SCN2A: variants seen among roughly 807,000 people sequenced by gnomAD.
The protein encoded by SCN2A is sodium channel protein type 2 subunit alpha.
SCN2A carries 20 observed loss-of-function variants against 188.7 expected under a neutral mutation model. The ratio of observed to expected loss-of-function variants is 0.11; its 90% CI spans 0.07 to 0.15. The LOEUF is 0.15. Among genes scored for constraint, SCN2A ranks in the 10% least tolerant of loss-of-function variants. The pLI is 1.00. For missense variants in SCN2A, 1,278 were observed against 2,445.0 expected, an observed-to-expected ratio of 0.52 and a Z score of 10.07; for synonymous variants, 804 against 833.1, an observed-to-expected ratio of 0.97 and a Z score of 0.60.
intron 1 of SCN2A, chr2:165,274,059 T>A (rs1304330501): frequency 6.6e-6 from 1 of 152,154 alleles, no homozygotes; most frequent in Non-Finnish European, 1.5e-5. Flanking sequence ...CCAACCATCT[T>A]ATGAGTTCCA....
intron 19 of SCN2A, among the ~76,000 whole-genome samples, chr2:165,369,736 C>T (rs981885430): frequency 1.6e-4 from 25 of 152,224 alleles, no homozygotes; most frequent in African/African-American, 6.0e-4. Flanking sequence ...TTTCCTTTTT[C>T]TGTAGGCTGA....
chr2:165,273,133 C>G (rs1304653083), intron 1 of SCN2A: 2 of 152,038 alleles, frequency 1.3e-5, no homozygotes, highest in Non-Finnish European at 2.9e-5. Context: ...TGGCAATTTT[C>G]TCTTGATAAA....
intron 1 of SCN2A, among the ~76,000 whole-genome samples, 183 bp from the exon 2 acceptor site, chr2:165,295,590 A>C (rs889871657): frequency 6.6e-6 from 1 of 152,250 alleles, no homozygotes; most frequent in Non-Finnish European, 1.5e-5. Flanking sequence ...TGTGAGAGAT[A>C]GATCTCCATG....
chr2:165,295,652 T>C, intron 1 of SCN2A, 121 bp from the exon 2 acceptor site: 1 of 911,214 alleles, frequency 1.1e-6, no homozygotes. Flanking sequence ...TACAGCTTTC[T>C]TTGAAAATAT....
chr2:165,375,034 A>G, intron 22 of SCN2A, 68 bp downstream of exon 22: 1 of 1,340,370 alleles, frequency 7.5e-7, no homozygotes, highest in Non-Finnish European at 1.1e-6. Context: ...TCTTCCTCAT[A>G]ATGAGATATC....
chr2:165,255,964 A>T lies in SCN2A; in HGVS notation c.-52+16324A>T, dbSNP rs1326698096. On this transcript the variant is annotated intron_variant, in intron 1 of 26. Coordinates refer to ENST00000375437, the MANE Select transcript of SCN2A (RefSeq NM_001040142.2). ...TTTTCTTTATCCTTTGACCTTCTCT[A>T]GCTCAACAGGAAATGTTTTCATTTG... Among the ~76,000 whole-genome samples the T allele has an allele frequency of 2.5e-5, 3 of 120,162 alleles. No individual in the cohort carries two copies. In the East Asian group the frequency reaches 6.9e-4, roughly 28 times the overall value. 78.8% of individuals were successfully genotyped at this position (120,162 alleles called of 152,430 possible). A position where few individuals can be genotyped will look rare whatever the true frequency, so the allele number is the denominator to read the frequency against.
chr2:165,325,740 TCTTACTAATTTTA>T (rs1263016086), intron 12 of SCN2A, among the ~76,000 whole-genome samples: 2 of 152,196 alleles, frequency 1.3e-5, no homozygotes, highest in Non-Finnish European at 2.9e-5. Context: ...TTATTTCTTT[TCTTACTAATTTTA>T]CTTGTTTTTT....
chr2:165,365,576 C>G (rs568996726), intron 18 of SCN2A, among the ~76,000 whole-genome samples: 1 of 152,016 alleles, frequency 6.6e-6, no homozygotes, highest in Non-Finnish European at 1.5e-5. Context: ...CTGTGGCCTT[C>G]TAAAATATCT....
intron 16 of SCN2A, among the ~76,000 whole-genome samples, chr2:165,347,840 T>C (rs892420742): frequency 6.6e-6 from 1 of 152,156 alleles, no homozygotes; most frequent in Non-Finnish European, 1.5e-5. Flanking sequence ...TCAAAGAGTT[T>C]GGACCTAAAA....
intron 24 of SCN2A, 101 bp downstream of exon 24, chr2:165,380,830 A>G (rs1701563605): frequency 1.0e-6 from 1 of 959,876 alleles, no homozygotes. Context: ...AAAGAATATA[A>G]AATTCAGAAA....
chr2:165,371,071 A>G (rs1270014458), intron 20 of SCN2A: 2 of 152,224 alleles, frequency 1.3e-5, no homozygotes, highest in Non-Finnish European at 2.9e-5. Context: ...GGGATTATGC[A>G]TGATACTATT....
At chr2:165,276,309 A>C (rs1695341797) in intron 1 of SCN2A, among the ~76,000 whole-genome samples, 1 of 152,194 alleles carries the variant, frequency 6.6e-6, no homozygotes, top group Admixed American at 6.5e-5. Context: ...AAAAATACAA[A>C]CGCAACAATT....
intron 25 of SCN2A, among the ~76,000 whole-genome samples, chr2:165,385,770 T>G (rs1308190985): frequency 6.6e-6 from 1 of 152,134 alleles, no homozygotes; most frequent in African/African-American, 2.4e-5. Flanking sequence ...TGCTGTAGCT[T>G]TAGTGAGAGA....
chr2:165,352,613 G>C (rs1399182989), intron 16 of SCN2A, among the ~76,000 whole-genome samples: 1 of 152,124 alleles, frequency 6.6e-6, no homozygotes, highest in Non-Finnish European at 1.5e-5. Context: ...GCACCAACCT[G>C]ATACTACAAG....
At chr2:165,320,741 G>C (rs1335940431) in intron 11 of SCN2A, among the ~76,000 whole-genome samples, 1 of 152,220 alleles carries the variant, frequency 6.6e-6, no homozygotes, top group Non-Finnish European at 1.5e-5. Flanking sequence ...GAGCCGCAGA[G>C]ATACAGGGCA....
At position 165,313,635 on chromosome 2, in the gene SCN2A, A is replaced by T. The variant is rs1284650444; in HGVS notation, c.1050A>T (p.Gly350=). ...NSSDAGQCPE[G]YICVKAGRNP... ...CTAATTATAGCCAGTGTCCTGAAGG[A>T]TACATCTGTGTGAAGGCTGGTAGAA... is the stretch of plus-strand genomic sequence containing the variant. Residue 350 remains glycine (G), a synonymous_variant, in exon 9 of 27, where the codon GGA becomes GGT. Transcript: ENST00000375437. The T allele has an allele frequency of 1.5e-5, 24 of 1,613,490 alleles. No individual in the cohort carries two copies. The highest frequency in any genetic ancestry group is 2.0e-5 in the Non-Finnish European group (24 of 1,179,536).
chr2:165,332,758 T>C (rs1432773152), intron 14 of SCN2A, among the ~76,000 whole-genome samples: 2 of 152,000 alleles, frequency 1.3e-5, no homozygotes, highest in Non-Finnish European at 2.9e-5. Flanking sequence ...TAATATATTG[T>C]GATCCAAATT....
chr2:165,279,660 C>T (rs916290324), intron 1 of SCN2A, among the ~76,000 whole-genome samples: 2 of 152,044 alleles, frequency 1.3e-5, no homozygotes, highest in South Asian at 2.1e-4. Flanking sequence ...AATATTGAAT[C>T]TGCATGTTGG....
At chr2:165,303,673 A>T (rs865983903) in intron 3 of SCN2A, among the ~76,000 whole-genome samples, 7 of 152,182 alleles carry the variant, frequency 4.6e-5, no homozygotes, top group African/African-American at 7.2e-5. Flanking sequence ...ATTAACAATG[A>T]TTTAGAAACT....
Sources: allele counts gnomAD v4.1 joint callset (sites outside exome capture counted in the v4.1 genomes callset), GRCh38; gene constraint gnomAD v4.1.1; transcripts MANE v1.5; gene names NCBI Gene and HGNC (gene_info 2026-07-23, HGNC 2026-07-21).